MON2: variants seen among roughly 807,000 people sequenced by gnomAD.
MON2 encodes MON2 regulator of endosome-to-Golgi trafficking, also known as protein MON2 homolog.
In MON2, 84 loss-of-function variants were observed where a neutral mutation model predicts 208.6. The observed-to-expected ratio is 0.40, with a 90% confidence interval of 0.34 to 0.48. The LOEUF is 0.48. MON2 is among the 20% of genes least tolerant of loss of function. The pLI, the probability that MON2 is intolerant of heterozygous loss-of-function variation, is 0.59. For synonymous variants in MON2, 660 were observed against 694.0 expected, an observed-to-expected ratio of 0.95 and a Z score of 0.77; for missense variants, 1,611 against 2,015.4, an observed-to-expected ratio of 0.80 and a Z score of 3.84.
intron 30 of MON2, among the ~76,000 whole-genome samples, chr12:62,573,909 C>T (rs2074688484): frequency 6.6e-6 from 1 of 152,090 alleles, no homozygotes; most frequent in African/African-American, 2.4e-5. Context: ...CTGATTATGG[C>T]TCTACTTACC....
intron 8 of MON2, among the ~76,000 whole-genome samples, chr12:62,517,441 T>G (rs1226629086): frequency 6.6e-6 from 1 of 152,094 alleles, no homozygotes; most frequent in Non-Finnish European, 1.5e-5. Context: ...TCCCCCAAAA[T>G]TAATATATTG....
At chr12:62,481,833 A>T (rs1460451125) in intron 1 of MON2, among the ~76,000 whole-genome samples, 1 of 152,172 alleles carries the variant, frequency 6.6e-6, no homozygotes, top group Non-Finnish European at 1.5e-5. Flanking sequence ...GCTGAAATAA[A>T]CTTTACTGAT....
At chr12:62,576,344 G>A (rs1212831732) in intron 30 of MON2, among the ~76,000 whole-genome samples, 1 of 151,984 alleles carries the variant, frequency 6.6e-6, no homozygotes, top group African/African-American at 2.4e-5. Context: ...CTGCTAATGG[G>A]TACAGATCTT....
At chr12:62,532,034 G>T (rs564680438) in intron 11 of MON2, among the ~76,000 whole-genome samples, 1 of 152,248 alleles carries the variant, frequency 6.6e-6, no homozygotes, top group South Asian at 2.1e-4. Flanking sequence ...CTCCCAAAGT[G>T]CTTGGATTAC....
At chr12:62,590,383 G>GC (rs1333782893) in intron 34 of MON2, among the ~76,000 whole-genome samples, 3 of 151,822 alleles carry the variant, frequency 2.0e-5, no homozygotes, top group Non-Finnish European at 2.9e-5. Context: ...ATGAACAACC[G>GC]CCCCCCAGCC....
chr12:62,482,478 G>C (rs188893606), intron 1 of MON2: 34 of 152,272 alleles, frequency 2.2e-4, no homozygotes, highest in African/African-American at 8.2e-4. Flanking sequence ...TTAGCAAGCA[G>C]TAAGAGATAA....
At chr12:62,491,967 C>T (rs1055477432) in intron 2 of MON2, among the ~76,000 whole-genome samples, 3 of 152,062 alleles carry the variant, frequency 2.0e-5, no homozygotes, top group African/African-American at 4.8e-5. Context: ...TCATTCATAT[C>T]GTTATGGAAA....
intron 2 of MON2, among the ~76,000 whole-genome samples, chr12:62,486,489 C>A (rs183265816): frequency 2.1e-4 from 32 of 152,190 alleles, no homozygotes; most frequent in African/African-American, 7.0e-4. Context: ...TTCGTAGTAT[C>A]CAGAGCCCAT....
chr12:62,545,454 C>T (rs573910306), intron 21 of MON2: 1 of 151,768 alleles, frequency 6.6e-6, no homozygotes, highest in African/African-American at 2.4e-5. Flanking sequence ...CCAGAGTTTA[C>T]TTTTGTCATG....
chr12:62,547,396 A>G (rs1477821133), intron 22 of MON2, among the ~76,000 whole-genome samples: 1 of 152,212 alleles, frequency 6.6e-6, no homozygotes, highest in Non-Finnish European at 1.5e-5. Flanking sequence ...AACAAATTTT[A>G]TAACACATCC....
At chr12:62,496,096 T>G (rs79976497) in intron 4 of MON2, among the ~76,000 whole-genome samples, 2 of 152,164 alleles carry the variant, frequency 1.3e-5, no homozygotes, top group African/African-American at 4.8e-5. Context: ...TACAGTATAC[T>G]GTCACATTAA....
chr12:62,549,477 C>T (rs1276119333), intron 22 of MON2, among the ~76,000 whole-genome samples, 191 bp from the exon 23 acceptor site: 3 of 145,604 alleles, frequency 2.1e-5, no homozygotes, highest in African/African-American at 7.6e-5. Flanking sequence ...AAAAAAAGGG[C>T]ATGGGGGTGT....
At chr12:62,541,231 A>T (rs1410291542) in intron 19 of MON2, among the ~76,000 whole-genome samples, 1 of 152,160 alleles carries the variant, frequency 6.6e-6, no homozygotes, top group Non-Finnish European at 1.5e-5. Context: ...AAGTACAAAA[A>T]TTAGCCTGGC....
intron 8 of MON2, among the ~76,000 whole-genome samples, chr12:62,524,013 A>G (rs768409987): frequency 2.0e-5 from 3 of 152,148 alleles, no homozygotes; most frequent in African/African-American, 7.2e-5. Context: ...CCCTGTTCTA[A>G]TAGTTATATA....
intron 8 of MON2, among the ~76,000 whole-genome samples, chr12:62,510,816 TA>T (rs559935974): frequency 8.8e-4 from 134 of 152,094 alleles, no homozygotes; most frequent in Non-Finnish European, 1.6e-3. Context: ...GAAAAAGAAA[TA>T]AAAGGCATCC....
At chr12:62,490,884 T>G (rs758052057) in intron 2 of MON2, among the ~76,000 whole-genome samples, 3 of 152,212 alleles carry the variant, frequency 2.0e-5, no homozygotes, top group East Asian at 3.9e-4. Context: ...TAGACCTGGT[T>G]GTAGCCAACA....
chr12:62,493,036 C>A (rs1224926579), intron 2 of MON2, among the ~76,000 whole-genome samples: 1 of 148,674 alleles, frequency 6.7e-6, no homozygotes, highest in Non-Finnish European at 1.5e-5. Context: ...CACATACACA[C>A]ATACACACAC....
intron 7 of MON2, among the ~76,000 whole-genome samples, chr12:62,505,532 A>C (rs989586754): frequency 4.6e-5 from 7 of 152,148 alleles, no homozygotes; most frequent in Admixed American, 4.6e-4. Flanking sequence ...ACATAATAAA[A>C]GGCAAAAGCA....
intron 1 of MON2, among the ~76,000 whole-genome samples, chr12:62,472,553 T>C (rs1468859208): frequency 1.3e-5 from 2 of 152,136 alleles, no homozygotes; most frequent in East Asian, 3.9e-4. Context: ...AAAGCAAAGG[T>C]TTCTTGTGAT....
Sources: allele counts gnomAD v4.1 joint callset (sites outside exome capture counted in the v4.1 genomes callset), GRCh38; gene constraint gnomAD v4.1.1; transcripts MANE v1.5; gene names NCBI Gene and HGNC (gene_info 2026-07-23, HGNC 2026-07-21).